TBC1D30: variants seen among roughly 807,000 people sequenced by gnomAD.
TBC1D30 encodes TBC1 domain family, member 30.
TBC1D30 carries 31 observed loss-of-function variants against 63.2 expected under a neutral mutation model. The observed-to-expected ratio is 0.49, with a 90% confidence interval of 0.37 to 0.66. The LOEUF (loss-of-function observed/expected upper bound fraction) is 0.66. TBC1D30 is among the 30% of genes least tolerant of loss of function. The pLI is 0.00. For synonymous variants in TBC1D30, 307 were observed against 361.5 expected, an observed-to-expected ratio of 0.85 and a Z score of 1.71; for missense variants, 810 against 953.6, an observed-to-expected ratio of 0.85 and a Z score of 1.98.
At chr12:64,850,593 T>C (rs760916735) in intron 8 of TBC1D30, among the ~76,000 whole-genome samples, 2 of 152,230 alleles carry the variant, frequency 1.3e-5, no homozygotes, top group Non-Finnish European at 2.9e-5. Context: ...TTTGCATATA[T>C]TGAACCAGCC....
intron 3 of TBC1D30, among the ~76,000 whole-genome samples, chr12:64,829,435 GGCCT>G (rs1874645998): frequency 6.6e-6 from 1 of 152,104 alleles, no homozygotes; most frequent in South Asian, 2.1e-4. Context: ...TCAGGATTTT[GGCCT>G]GAGTGATTGG....
chr12:64,833,773 G>T (rs1017722959), intron 5 of TBC1D30, among the ~76,000 whole-genome samples: 2 of 152,180 alleles, frequency 1.3e-5, no homozygotes, highest in African/African-American at 4.8e-5. Flanking sequence ...AAAGGTGAGG[G>T]TAGGAGAGGG....
rs1294970488 is a variant in TBC1D30, at chr12:64,878,508, T to C, written c.*2720T>C. 1.3e-5 allele frequency: 6 copies of C among 456,762 alleles called. No individual in the cohort carries two copies. The East Asian group carries it at 2.1e-4, about 16-fold the overall frequency. 28.3% of individuals were successfully genotyped at this position (456,762 alleles called of 1,614,324 possible). A position where few individuals can be genotyped will look rare whatever the true frequency, so the allele number is the denominator to read the frequency against. On this transcript the variant is annotated 3_prime_UTR_variant, in exon 12 of 12. Coordinates refer to ENST00000539867, the MANE Select transcript of TBC1D30 (RefSeq NM_015279.2). ...CAAAAGCCTCCAGATGATCTAAATC[T>C]AGTTAGCAATGTCAGCCTGTGGACT...
At chr12:64,859,198 A>G (rs1877573679) in intron 8 of TBC1D30, among the ~76,000 whole-genome samples, 1 of 152,066 alleles carries the variant, frequency 6.6e-6, no homozygotes, top group African/African-American at 2.4e-5. Context: ...AGAGAGCAGC[A>G]TGTGTCAAGG....
At chr12:64,773,187 C>T (rs1299458422) in intron 1 of TBC1D30, among the ~76,000 whole-genome samples, 2 of 152,224 alleles carry the variant, frequency 1.3e-5, no homozygotes, top group African/African-American at 4.8e-5. Context: ...AAGGGATCCC[C>T]CAGCACAGCA....
chr12:64,835,305 T>A (rs1346563645), intron 5 of TBC1D30, among the ~76,000 whole-genome samples: 4 of 151,996 alleles, frequency 2.6e-5, no homozygotes, highest in Non-Finnish European at 1.5e-5. Context: ...CGTTCAAAAC[T>A]GTGACCCTGA....
chr12:64,789,637 A>ATT (rs1276538758), intron 2 of TBC1D30, among the ~76,000 whole-genome samples: 8 of 152,212 alleles, frequency 5.3e-5, no homozygotes, highest in Non-Finnish European at 7.3e-5. Flanking sequence ...TGGCTAGATC[A>ATT]TTTTTATTTC....
chr12:64,821,825 G>A (rs187623494), upstream of TBC1D30, among the ~76,000 whole-genome samples: 454 of 152,294 alleles, frequency 3.0e-3, no homozygotes, highest in African/African-American at 0.01. Context: ...ACCGGAGCTC[G>A]CAGCAAAAGG....
intron 2 of TBC1D30, among the ~76,000 whole-genome samples, chr12:64,807,918 G>GTGTTTTTTTTTTTTT (rs777402054): frequency 1.1e-5 from 1 of 93,526 alleles, no homozygotes; most frequent in African/African-American, 5.5e-5. Context: ...CCTAATTTAA[G>GTGTTTTTTTTTTTTT]TTTTTTTTTT....
At chr12:64,772,587 G>A (rs929986662) in intron 1 of TBC1D30, among the ~76,000 whole-genome samples, 1 of 152,034 alleles carries the variant, frequency 6.6e-6, no homozygotes, top group Admixed American at 6.6e-5. Context: ...CTGCCTCCGT[G>A]CCTAGCTCAT....
intron 4 of TBC1D30, among the ~76,000 whole-genome samples, chr12:64,831,239 A>G (rs907773930): frequency 6.6e-6 from 1 of 152,230 alleles, no homozygotes; most frequent in Non-Finnish European, 1.5e-5. Context: ...AGTACTAACT[A>G]AAATGAGCTA....
chr12:64,825,023 C>T lies in TBC1D30; in HGVS notation c.144C>T (p.Thr48=). The T allele has an allele frequency of 7.8e-6, 12 of 1,533,104 alleles. No individual in the cohort carries two copies. Among genetic ancestry groups the T allele is most frequent in the Non-Finnish European group, 1.0e-5 (12 of 1,146,056 alleles). 95.0% of individuals were successfully genotyped at this position (1,533,104 alleles called of 1,614,324 possible). ...GGACCGCGCCCCGGCTGCTGTGCAC[C>T]CTGGAGCCGGGTGAGGACCCCAGGG... ...ISRTAPRLLC[T]LEPGVDTKLK... Residue 48 remains threonine (T), a synonymous_variant, in exon 1 of 12, where the codon ACC becomes ACT. Transcript: ENST00000539867.
chr12:64,836,410 G>C, intron 5 of TBC1D30, 80 bp from the exon 6 acceptor site: 1 of 1,162,720 alleles, frequency 8.6e-7, no homozygotes, highest in Non-Finnish European at 1.2e-6. Flanking sequence ...TTATCTATTT[G>C]AATACTTATT....
At chr12:64,853,445 C>T (rs1383732358) in intron 8 of TBC1D30, among the ~76,000 whole-genome samples, 1 of 152,216 alleles carries the variant, frequency 6.6e-6, no homozygotes, top group Non-Finnish European at 1.5e-5. Context: ...ATGGGATCCA[C>T]TGAGCTAGAC....
chr12:64,857,857 G>T (rs1877441610), intron 8 of TBC1D30, among the ~76,000 whole-genome samples: 2 of 152,194 alleles, frequency 1.3e-5, no homozygotes, highest in Admixed American at 6.5e-5. Flanking sequence ...GCACAACTTT[G>T]CTCTCCATTG....
chr12:64,850,667 T>A (rs1269648842), intron 8 of TBC1D30, among the ~76,000 whole-genome samples: 4 of 152,350 alleles, frequency 2.6e-5, no homozygotes, highest in African/African-American at 7.2e-5. Context: ...GCTGCTGGAT[T>A]TGGTTTGCCA....
chr12:64,764,523 T>C (rs74099668), intron 1 of TBC1D30, among the ~76,000 whole-genome samples: 10,267 of 152,198 alleles, frequency 0.067, 1,197 homozygotes, highest in African/African-American at 0.24. Flanking sequence ...AACAGGGCAA[T>C]ATAGATGCCT....
intron 7 of TBC1D30, among the ~76,000 whole-genome samples, chr12:64,842,669 A>T (rs1875981521): frequency 6.6e-6 from 1 of 152,184 alleles, no homozygotes; most frequent in Non-Finnish European, 1.5e-5. Context: ...GTTTGGTTTT[A>T]AATCTATTAT....
chr12:64,830,858 ATGATTTGG>A (rs1415816896), intron 4 of TBC1D30, among the ~76,000 whole-genome samples: 1 of 152,212 alleles, frequency 6.6e-6, no homozygotes, highest in African/African-American at 2.4e-5. Flanking sequence ...TCATATGAGA[ATGATTTGG>A]TTCTTATTAG....
Sources: gnomAD v4.1 joint callset for allele counts (sites outside exome capture counted in the v4.1 genomes callset) on GRCh38, gnomAD v4.1.1 for gene constraint, MANE v1.5 for transcripts, NCBI Gene and HGNC (gene_info 2026-07-23, HGNC 2026-07-21) for gene names.